ACBD6: variants seen among roughly 807,000 people sequenced by gnomAD.
ACBD6 encodes acyl-CoA binding domain containing 6, also known as acyl-CoA-binding domain-containing protein 6.
In ACBD6, 28 loss-of-function variants were observed where a neutral mutation model predicts 37.2. The observed-to-expected ratio is 0.75, with a 90% CI of 0.56 to 1.03. The LOEUF is 1.03. ACBD6 is among the 50% of genes least tolerant of loss of function. The pLI, the probability that ACBD6 is intolerant of heterozygous loss-of-function variation, is 0.00. For synonymous variants in ACBD6, 113 were observed against 126.8 expected (o/e 0.89, Z 0.73); for missense variants, 340 against 337.4 (o/e 1.01, Z -0.06).
chr1:180,402,775 G>A (rs927803651), intron 5 of ACBD6, among the ~76,000 whole-genome samples: 2 of 148,670 alleles, frequency 1.3e-5, no homozygotes, highest in African/African-American at 4.9e-5. Context: ...TCCAGCCTAC[G>A]CAACACAGTG....
chr1:180,400,075 T>C (rs1486586768), intron 5 of ACBD6, among the ~76,000 whole-genome samples: 1 of 152,230 alleles, frequency 6.6e-6, no homozygotes, highest in African/African-American at 2.4e-5. Flanking sequence ...AATAGGGTTA[T>C]ATCAACTAAA....
intron 6 of ACBD6, among the ~76,000 whole-genome samples, chr1:180,337,129 G>T (rs535320229): frequency 3.1e-4 from 47 of 152,268 alleles, no homozygotes; most frequent in Non-Finnish European, 5.4e-4. Flanking sequence ...ATAGAAAAGA[G>T]GGAATCCTCC....
At chr1:180,330,608 T>C (rs905566869) in intron 6 of ACBD6, among the ~76,000 whole-genome samples, 2 of 152,172 alleles carry the variant, frequency 1.3e-5, no homozygotes, top group Non-Finnish European at 2.9e-5. Flanking sequence ...ACTGTAAACA[T>C]GACAAGCAAA....
At chr1:180,372,624 C>T (rs1441653717) in intron 6 of ACBD6, among the ~76,000 whole-genome samples, 1 of 152,074 alleles carries the variant, frequency 6.6e-6, no homozygotes, top group East Asian at 1.9e-4. Context: ...TTGGATTTTA[C>T]CGGCAATGTG....
chr1:180,413,282 T>C, intron 5 of ACBD6, 84 bp downstream of exon 5: 1 of 986,714 alleles, frequency 1.0e-6, no homozygotes, highest in South Asian at 1.3e-5. Context: ...TGAGTTGTAG[T>C]TCATTGGCCT....
intron 11 of ACBD6, chr1:180,273,622 C>T (rs1234495249): frequency 2.0e-5 from 3 of 152,930 alleles, no homozygotes; most frequent in East Asian, 1.9e-4. Flanking sequence ...AATTCTTTGT[C>T]CCCAGTGAAG....
chr1:180,433,790 C>T (rs141456426), intron 3 of ACBD6, among the ~76,000 whole-genome samples: 102 of 152,172 alleles, frequency 6.7e-4, no homozygotes, highest in African/African-American at 2.2e-3. Context: ...TTTCTCCTGC[C>T]CTCCTTTTAC....
At chr1:180,390,884 C>T (rs924455884) in intron 6 of ACBD6, among the ~76,000 whole-genome samples, 2 of 152,032 alleles carry the variant, frequency 1.3e-5, no homozygotes, top group African/African-American at 4.8e-5. Context: ...GCCAAAACAA[C>T]TTTGAAAAAA....
Position 180,274,286 on chromosome 1 carries a change from G to A in ACBD6, c.*937-174C>T, listed in dbSNP as rs1274360714. On this transcript the variant is annotated intron_variant, in intron 10 of 13. Transcript: ENST00000642319. ...AATGAATGGGAGCTTCTCCATGGACGGGACAGGACAATCCTATCAGGACTT... is the reference window on the plus strand; with the variant it reads ...AATGAATGGGAGCTTCTCCATGGACAGGACAGGACAATCCTATCAGGACTT... The A allele has an allele frequency of 2.5e-6, 4 of 1,614,178 alleles. No individual in the cohort carries two copies. The highest frequency in any genetic ancestry group is 1.6e-4 in the Middle Eastern group (1 of 6,062).
At chr1:180,350,068 C>G (rs1411923805) in intron 6 of ACBD6, among the ~76,000 whole-genome samples, 1 of 143,400 alleles carries the variant, frequency 7.0e-6, no homozygotes, top group African/African-American at 2.6e-5. Flanking sequence ...CTCTGTCGCC[C>G]AGGCTGGAGT....
At chr1:180,415,980 G>A (rs1417846111) in intron 4 of ACBD6, among the ~76,000 whole-genome samples, 2 of 152,110 alleles carry the variant, frequency 1.3e-5, no homozygotes, top group Non-Finnish European at 2.9e-5. Flanking sequence ...GCTAGGCACA[G>A]AGATATTAAC....
chr1:180,269,801 G>A (rs529503759), exon 14 of ACBD6: 10 of 152,330 alleles, frequency 6.6e-5, no homozygotes, highest in African/African-American at 1.2e-4. Context: ...AGAATGAAAA[G>A]GAAGGCATTT....
chr1:180,356,553 A>C (rs1210427235), intron 6 of ACBD6, among the ~76,000 whole-genome samples: 1 of 151,998 alleles, frequency 6.6e-6, no homozygotes, highest in Non-Finnish European at 1.5e-5. Context: ...CGTATAATGA[A>C]AATAGATTGT....
intron 4 of ACBD6, among the ~76,000 whole-genome samples, chr1:180,416,036 G>T (rs370917561): frequency 2.0e-5 from 3 of 151,746 alleles, no homozygotes; most frequent in African/African-American, 7.3e-5. Context: ...ATACCAAAAA[G>T]AGAAGTTCAA....
intron 6 of ACBD6, among the ~76,000 whole-genome samples, chr1:180,316,017 AG>A (rs1279358771): frequency 6.6e-6 from 1 of 152,100 alleles, no homozygotes; most frequent in Non-Finnish European, 1.5e-5. Context: ...GAAACACAAG[AG>A]ATCATTTTTG....
At position 180,323,575 on chromosome 1, in the gene ACBD6, G is replaced by A. The variant is rs144088802; in HGVS notation, c.664-8853C>T. Among the ~76,000 whole-genome samples, 513 of 151,974 alleles carry A rather than the reference G, an allele frequency of 3.4e-3. 6 individuals carry two copies. The highest frequency in any genetic ancestry group is 0.012 in the African/African-American group (499 of 41,496). On this transcript the variant is annotated intron_variant, in intron 6 of 7. Coordinates refer to ENST00000367595, the MANE Select transcript of ACBD6 (RefSeq NM_032360.4). ...AATAATATTTCCTTTATGTATCTGG[G>A]TGCTTCAGTGTTGGATGCATATATA...
chr1:180,302,305 G>A (rs1321060196), intron 7 of ACBD6, among the ~76,000 whole-genome samples: 3 of 151,536 alleles, frequency 2.0e-5, no homozygotes, highest in Non-Finnish European at 4.4e-5. Flanking sequence ...TTTCTAGGCT[G>A]CAAAACTGAG....
At chr1:180,432,705 CAG>C (rs894129501) in intron 3 of ACBD6, among the ~76,000 whole-genome samples, 1 of 151,882 alleles carries the variant, frequency 6.6e-6, no homozygotes, top group Non-Finnish European at 1.5e-5. Context: ...TCAAATAACT[CAG>C]AAATGAAAGT....
chr1:180,359,203 A>T (rs1375437987), intron 6 of ACBD6, among the ~76,000 whole-genome samples: 1 of 152,176 alleles, frequency 6.6e-6, no homozygotes, highest in African/African-American at 2.4e-5. Flanking sequence ...AGTACCCTTA[A>T]TCCCAAAGGA....
Sources: allele counts gnomAD v4.1 joint callset (sites outside exome capture counted in the v4.1 genomes callset), GRCh38; gene constraint gnomAD v4.1.1; transcripts MANE v1.5; gene names NCBI Gene and HGNC (gene_info 2026-07-23, HGNC 2026-07-21).